Variants in KIAA1755 observed in about 807,000 individuals in gnomAD.
The protein encoded by KIAA1755 is uncharacterized protein KIAA1755.
In KIAA1755, 68 loss-of-function variants were observed where a neutral mutation model predicts 91.7. That is an observed-to-expected ratio of 0.74 (90% CI 0.61 to 0.91). KIAA1755 has a LOEUF of 0.91. KIAA1755 is among the 40% of genes least tolerant of loss of function. The pLI, the probability that KIAA1755 is intolerant of heterozygous loss-of-function variation, is 0.00. For synonymous variants in KIAA1755, 610 were observed against 604.6 expected, an observed-to-expected ratio of 1.01 and a Z score of -0.13; for missense variants, 1,535 against 1,494.4, an observed-to-expected ratio of 1.03 and a Z score of -0.45.
In KIAA1755 at chr20:38,213,739, G is replaced by T. The variant is rs751473389; in HGVS notation, c.2906C>A (p.Thr969Asn). 1 of 1,465,034 alleles carries T rather than the reference G, an allele frequency of 6.8e-7. No homozygotes were observed. 90.8% of individuals were successfully genotyped at this position (1,465,034 alleles called of 1,614,324 possible). The part of the protein sequence containing the change: ...LHLHRFCKRM[T>N]WFHMDCQDLM... Reference sequence around the variant, plus strand: ...GTCCTGACAGTCCATGTGGAACCAGGTCATCTGGGGGACAAGAAGAGAGGG... The same window carrying T: ...GTCCTGACAGTCCATGTGGAACCAGTTCATCTGGGGGACAAGAAGAGAGGG... The change falls in exon 14 of 14, where the codon ACC becomes AAC. Residue 969 changes from threonine to asparagine, a missense_variant. Coordinates refer to ENST00000279024, the MANE Select transcript of KIAA1755 (RefSeq NM_001029864.2).
Position 38,212,630 on chromosome 20 carries a change from G to T in KIAA1755, c.*412C>A. ...CAAGGAAGCACTCCCGAATCTCCCC[G>T]AGGATTCTGCCTAAGGGCAACACTG... On this transcript the variant is annotated 3_prime_UTR_variant, in exon 14 of 14. Coordinates refer to ENST00000279024, the MANE Select transcript of KIAA1755 (RefSeq NM_001029864.2). The T allele has an allele frequency of 6.1e-6, 1 of 164,412 alleles. No homozygotes were observed. The highest frequency in any genetic ancestry group is 1.3e-5 in the Non-Finnish European group (1 of 76,152). The allele number at this position is 164,412 out of a possible 1,614,324, so 10.2% of individuals were successfully genotyped here.
At chr20:38,257,603 C>A (rs1222755765) in intron 1 of KIAA1755, among the ~76,000 whole-genome samples, 1 of 148,396 alleles carries the variant, frequency 6.7e-6, no homozygotes, top group African/African-American at 2.5e-5. Flanking sequence ...AAAAAAAAAC[C>A]TGAACGTGAC....
chr20:38,227,548 T>C (rs1318270187), intron 6 of KIAA1755, among the ~76,000 whole-genome samples: 1 of 152,192 alleles, frequency 6.6e-6, no homozygotes, highest in Non-Finnish European at 1.5e-5. Flanking sequence ...AGAACCTCCA[T>C]TGACTCTGCT....
At chr20:38,216,222 C>T (rs750170011) in intron 13 of KIAA1755, among the ~76,000 whole-genome samples, 20 of 152,244 alleles carry the variant, frequency 1.3e-4, no homozygotes, top group Non-Finnish European at 2.1e-4. Context: ...GACTCCAAGG[C>T]TCGGATTCCG....
chr20:38,251,640 A>T (rs1448824908), intron 1 of KIAA1755, among the ~76,000 whole-genome samples: 2 of 148,942 alleles, frequency 1.3e-5, no homozygotes, highest in Non-Finnish European at 3.0e-5. Flanking sequence ...ATCTTGGCTC[A>T]CTGCAACCTC....
At position 38,211,934 on chromosome 20, in the gene KIAA1755, G is replaced by A. The variant is rs1271775558; in HGVS notation, c.*1108C>T. 1 of 152,188 alleles carries A rather than the reference G, an allele frequency of 6.6e-6. No individual in the cohort carries two copies. Among genetic ancestry groups the A allele is most frequent in the Admixed American group, 6.5e-5 (1 of 15,278 alleles). The allele number at this position is 152,188 out of a possible 1,614,324, so 9.4% of individuals were successfully genotyped here. A position where few individuals can be genotyped will look rare whatever the true frequency, so the allele number is the denominator to read the frequency against. Reference sequence around the variant, plus strand: ...TGAGGGTTGGCAGATAAATGCTCTGGATGCCTCACGCCTCAGGGGGTGTTC... The same window carrying A: ...TGAGGGTTGGCAGATAAATGCTCTGAATGCCTCACGCCTCAGGGGGTGTTC... On this transcript the variant is annotated 3_prime_UTR_variant, in exon 14 of 14. Coordinates refer to ENST00000279024, the MANE Select transcript of KIAA1755 (RefSeq NM_001029864.2).
Position 38,212,886 on chromosome 20 carries a change from A to G in KIAA1755, c.*156T>C, listed in dbSNP as rs535616514. 9 of 578,210 alleles carry G rather than the reference A, an allele frequency of 1.6e-5. No homozygotes were observed. The highest frequency in any genetic ancestry group is 4.7e-4 in the Middle Eastern group (1 of 2,134). 35.8% of individuals were successfully genotyped at this position (578,210 alleles called of 1,614,324 possible). A position where few individuals can be genotyped will look rare whatever the true frequency, so the allele number is the denominator to read the frequency against. On this transcript the variant is annotated 3_prime_UTR_variant, in exon 14 of 14. Coordinates refer to ENST00000279024, the MANE Select transcript of KIAA1755 (RefSeq NM_001029864.2). The stretch of plus-strand genomic sequence containing the variant: ...CCAGGAGTTTTCTGGAGCCAGGGGC[A>G]GGTCGACAGTTCTCATCCTCCCAGC...
At chr20:38,238,942 G>A (rs2076005257) in intron 4 of KIAA1755, among the ~76,000 whole-genome samples, 1 of 152,178 alleles carries the variant, frequency 6.6e-6, no homozygotes, top group Non-Finnish European at 1.5e-5. Context: ...ACTCTGGGCT[G>A]AACTGGATCA....
chr20:38,250,240 A>C (rs569084615), intron 1 of KIAA1755, among the ~76,000 whole-genome samples: 2 of 152,176 alleles, frequency 1.3e-5, no homozygotes, highest in Admixed American at 1.3e-4. Context: ...CCCGGGTTCA[A>C]ACTCTGGTTC....
chr20:38,222,621 G>A (rs1188163147), intron 9 of KIAA1755, 24 bp from the exon 10 acceptor site: 1 of 1,608,440 alleles, frequency 6.2e-7, no homozygotes, highest in Non-Finnish European at 8.5e-7. Flanking sequence ...GAGGTGCCCT[G>A]AGGCCCCATC....
chr20:38,249,487 C>T (rs2076210576), intron 1 of KIAA1755, among the ~76,000 whole-genome samples: 1 of 152,206 alleles, frequency 6.6e-6, no homozygotes, highest in African/African-American at 2.4e-5. Context: ...AGCAAGATTC[C>T]AATGCCAGGA....
intron 4 of KIAA1755, among the ~76,000 whole-genome samples, chr20:38,232,057 A>T (rs117136196): frequency 2.8e-3 from 428 of 152,304 alleles, no homozygotes; most frequent in Non-Finnish European, 3.1e-3. Context: ...GGGCAAATAC[A>T]GCAGCAGGGA....
chr20:38,244,108 A>G (rs576636878), intron 2 of KIAA1755, among the ~76,000 whole-genome samples: 164 of 152,280 alleles, frequency 1.1e-3, no homozygotes, highest in Non-Finnish European at 1.7e-3. Context: ...GATTAAACTC[A>G]CCTACAAGGA....
chr20:38,217,756 G>C, intron 12 of KIAA1755: 1 of 537,770 alleles, frequency 1.9e-6, no homozygotes, highest in South Asian at 2.5e-5. Flanking sequence ...TGTTCCTTCT[G>C]GAAAACTTCT....
chr20:38,234,876 AC>A (rs1353744492), intron 4 of KIAA1755, among the ~76,000 whole-genome samples: 1 of 152,166 alleles, frequency 6.6e-6, no homozygotes, highest in Non-Finnish European at 1.5e-5. Context: ...ATCCTCACCT[AC>A]CAGCTGGCGC....
intron 10 of KIAA1755, among the ~76,000 whole-genome samples, chr20:38,221,908 G>A (rs959312603): frequency 6.6e-6 from 1 of 152,190 alleles, no homozygotes; most frequent in African/African-American, 2.4e-5. Context: ...AGACCCCTGA[G>A]ACACCATGAG....
At chr20:38,257,480 C>G (rs1376931483) in intron 1 of KIAA1755, among the ~76,000 whole-genome samples, 1 of 150,964 alleles carries the variant, frequency 6.6e-6, no homozygotes, top group African/African-American at 2.4e-5. Flanking sequence ...ACGCAGGAGG[C>G]TGAGGCATGA....
chr20:38,221,668 G>A (rs1350588578), intron 10 of KIAA1755, among the ~76,000 whole-genome samples: 1 of 152,170 alleles, frequency 6.6e-6, no homozygotes, highest in East Asian at 1.9e-4. Flanking sequence ...GTAAATCCCT[G>A]AGAAAAATGC....
At chr20:38,251,729 C>A (rs186775570) in intron 1 of KIAA1755, among the ~76,000 whole-genome samples, 1 of 152,018 alleles carries the variant, frequency 6.6e-6, no homozygotes, top group East Asian at 1.9e-4. Context: ...CCGCGCCCAG[C>A]TAATTTTTGT....
Sources: gnomAD v4.1 joint callset for allele counts (sites outside exome capture counted in the v4.1 genomes callset) on GRCh38, gnomAD v4.1.1 for gene constraint, MANE v1.5 for transcripts, NCBI Gene and HGNC (gene_info 2026-07-23, HGNC 2026-07-21) for gene names.